The following FCHSD2 variants were observed in gnomAD, a reference collection of about 807,000 sequenced individuals.
The protein encoded by FCHSD2 is FCH and double SH3 domains 2.
A neutral mutation model predicts 108.1 loss-of-function variants in FCHSD2; 38 were observed. That is an observed-to-expected ratio of 0.35 (90% CI 0.27 to 0.46). The LOEUF is 0.46. FCHSD2 is among the 20% of genes least tolerant of loss of function. The pLI is 1.00. For missense variants in FCHSD2, 751 were observed against 897.8 expected, an observed-to-expected ratio of 0.84 and a Z score of 2.09; for synonymous variants, 279 against 314.7, an observed-to-expected ratio of 0.89 and a Z score of 1.20.
intron 8 of FCHSD2, among the ~76,000 whole-genome samples, chr11:72,953,552 G>A (rs1161704774): frequency 6.6e-6 from 1 of 151,502 alleles, no homozygotes; most frequent in Non-Finnish European, 1.5e-5. Flanking sequence ...TCCATAAAAA[G>A]TCACTCAACA....
intron 8 of FCHSD2, among the ~76,000 whole-genome samples, chr11:72,955,975 T>C (rs1010700076): frequency 2.0e-5 from 3 of 152,080 alleles, no homozygotes; most frequent in Non-Finnish European, 2.9e-5. Context: ...TTAAATATCA[T>C]CCTCCACTAA....
At chr11:72,927,790 G>C (rs1354638634) in intron 8 of FCHSD2, among the ~76,000 whole-genome samples, 1 of 152,188 alleles carries the variant, frequency 6.6e-6, no homozygotes, top group African/African-American at 2.4e-5. Flanking sequence ...AGGCAGAGAA[G>C]CCTACCATCC....
intron 3 of FCHSD2, among the ~76,000 whole-genome samples, chr11:73,057,876 T>A (rs962866147): frequency 2.6e-5 from 4 of 151,148 alleles, no homozygotes; most frequent in Non-Finnish European, 4.4e-5. Flanking sequence ...GCCAATTCGG[T>A]ATTCTTTTTT....
At chr11:73,108,068 G>A (rs1246825530) in intron 2 of FCHSD2, among the ~76,000 whole-genome samples, 1 of 152,036 alleles carries the variant, frequency 6.6e-6, no homozygotes, top group African/African-American at 2.4e-5. Flanking sequence ...CCACATCCTT[G>A]CCGGTGTTTG....
chr11:72,972,070 T>A (rs1437969932), intron 8 of FCHSD2, among the ~76,000 whole-genome samples: 1 of 152,084 alleles, frequency 6.6e-6, no homozygotes, highest in Non-Finnish European at 1.5e-5. Context: ...TTAAAAAGAG[T>A]TAATCTCTTT....
intron 12 of FCHSD2, among the ~76,000 whole-genome samples, chr11:72,874,348 G>A (rs113355644): frequency 0.16 from 24,635 of 152,006 alleles, 2,399 homozygotes; most frequent in Non-Finnish European, 0.23. Flanking sequence ...CACCATGCCT[G>A]GCTAATTTTT....
chr11:73,062,597 G>A (rs1310350355), intron 3 of FCHSD2, among the ~76,000 whole-genome samples: 1 of 152,116 alleles, frequency 6.6e-6, no homozygotes, highest in Non-Finnish European at 1.5e-5. Flanking sequence ...GAACATAAAT[G>A]ACCCGATGGA....
Position 72,975,441 on chromosome 11 carries a change from T to C in FCHSD2, c.705+8647A>G, listed in dbSNP as rs1302453050. 3.9e-5 allele frequency among the ~76,000 whole-genome samples: 6 copies of C among 152,268 alleles called. No individual in the cohort carries two copies. The South Asian group carries it at 6.2e-4, about 16-fold the overall frequency. On this transcript the variant is annotated intron_variant, in intron 8 of 19. Transcript: ENST00000409418. ...AGAAGGAATACATTCTACTGTTTAA[T>C]AGCACAGCAGGGTGACTATAGTTAA...
chr11:72,983,820 C>A (rs1591456688), intron 8 of FCHSD2: 1 of 539,484 alleles, frequency 1.9e-6, no homozygotes, highest in African/African-American at 1.9e-5. Flanking sequence ...TCTTCTACAT[C>A]AATAACCACT....
chr11:72,885,214 G>GT lies in FCHSD2; in HGVS notation c.1146+2255dup, dbSNP rs569675250. Reference sequence around the variant, plus strand: ...GCTAATTTTACTTAGGCTATTTTTTGTATCTGTTAAGTGGAAACCAAGTGA... The same window carrying GT: ...GCTAATTTTACTTAGGCTATTTTTTGTTATCTGTTAAGTGGAAACCAAGTGA... On this transcript the variant is annotated intron_variant, in intron 12 of 19. Coordinates refer to ENST00000409418, the MANE Select transcript of FCHSD2 (RefSeq NM_014824.3). Among the ~76,000 whole-genome samples, 572 of 117,634 alleles carry GT rather than the reference G, an allele frequency of 4.9e-3. 5 individuals are homozygous for GT. Among genetic ancestry groups the GT allele is most frequent in the Non-Finnish European group, 5.4e-3 (311 of 57,308 alleles). The allele number at this position is 117,634 out of a possible 152,430, so 77.2% of individuals were successfully genotyped here. A position where few individuals can be genotyped will look rare whatever the true frequency, so the allele number is the denominator to read the frequency against.
chr11:72,906,459 G>A (rs1383627435), intron 9 of FCHSD2, among the ~76,000 whole-genome samples: 2 of 152,132 alleles, frequency 1.3e-5, no homozygotes, highest in Admixed American at 1.3e-4. Flanking sequence ...TTTGGTTTTT[G>A]TTGCCATTGC....
intron 8 of FCHSD2, among the ~76,000 whole-genome samples, chr11:72,954,790 A>G (rs2135362724): frequency 6.6e-6 from 1 of 152,268 alleles, no homozygotes; most frequent in South Asian, 2.1e-4. Flanking sequence ...ATTTACATAC[A>G]AACATAGAAA....
At position 73,030,571 on chromosome 11, in the gene FCHSD2, T is replaced by C. The variant is rs369044485; in HGVS notation, c.166-14686A>G. Among the ~76,000 whole-genome samples the C allele has an allele frequency of 7.2e-5, 11 of 152,308 alleles. No homozygotes were observed. In the East Asian group the frequency reaches 1.5e-3, roughly 21 times the overall value. On this transcript the variant is annotated intron_variant, in intron 3 of 19. Transcript: ENST00000409418. ...GCATTGTATAAGGTCTCTTACCTGATGACCTTAACTTTGTAAAGATGGTGG... is the reference window on the plus strand; with the variant it reads ...GCATTGTATAAGGTCTCTTACCTGACGACCTTAACTTTGTAAAGATGGTGG...
chr11:72,891,167 A>T (rs1855307117), intron 10 of FCHSD2, among the ~76,000 whole-genome samples: 1 of 152,190 alleles, frequency 6.6e-6, no homozygotes, highest in African/African-American at 2.4e-5. Context: ...CCTTGGCTCA[A>T]GTAATCCTCC....
intron 3 of FCHSD2, among the ~76,000 whole-genome samples, chr11:73,067,599 C>T (rs947494245): frequency 6.6e-6 from 1 of 151,964 alleles, no homozygotes; most frequent in African/African-American, 2.4e-5. Flanking sequence ...TTCAAGATCC[C>T]TGAAGCATTT....
intron 5 of FCHSD2, among the ~76,000 whole-genome samples, chr11:73,000,744 C>A (rs76645433): frequency 0.017 from 2,601 of 152,120 alleles, 38 homozygotes; most frequent in African/African-American, 0.042. Context: ...TGCCGAAAAG[C>A]GGTATTACTA....
intron 3 of FCHSD2, among the ~76,000 whole-genome samples, chr11:73,038,001 T>C (rs996117933): frequency 7.2e-5 from 11 of 152,340 alleles, no homozygotes; most frequent in African/African-American, 2.6e-4. Context: ...ATGAAAAGAT[T>C]CACCAAGTCA....
chr11:72,964,938 C>G (rs893722654), intron 8 of FCHSD2, among the ~76,000 whole-genome samples: 1 of 151,936 alleles, frequency 6.6e-6, no homozygotes, highest in Non-Finnish European at 1.5e-5. Context: ...TACAGGCGCC[C>G]GCCACCACAC....
At chr11:72,949,192 T>C (rs1323293747) in intron 8 of FCHSD2, among the ~76,000 whole-genome samples, 1 of 151,672 alleles carries the variant, frequency 6.6e-6, no homozygotes, top group Non-Finnish European at 1.5e-5. Flanking sequence ...CTCACGCCTG[T>C]AATCCCAGCA....
Sources: gnomAD v4.1 joint callset for allele counts (sites outside exome capture counted in the v4.1 genomes callset) on GRCh38, gnomAD v4.1.1 for gene constraint, MANE v1.5 for transcripts, NCBI Gene and HGNC (gene_info 2026-07-23, HGNC 2026-07-21) for gene names.